Variants in CACNA2D4 observed in about 807,000 individuals in gnomAD.
The protein encoded by CACNA2D4 is calcium voltage-gated channel auxiliary subunit alpha2delta 4, also known as voltage-dependent calcium channel subunit alpha-2/delta-4.
In CACNA2D4, 157 loss-of-function variants were observed where a neutral mutation model predicts 163.8. The observed-to-expected ratio is 0.96, with a 90% CI of 0.84 to 1.09. CACNA2D4 has a LOEUF of 1.09. Ranked by LOEUF, CACNA2D4 falls within the 50% of genes least tolerant of loss-of-function variation. The pLI is 0.00. For missense variants in CACNA2D4, 1,410 were observed against 1,479.9 expected (o/e 0.95, Z 0.78); for synonymous variants, 598 against 586.9 (o/e 1.02, Z -0.27).
chr12:1,857,485 A>G (rs1076331), intron 20 of CACNA2D4, among the ~76,000 whole-genome samples: 21,045 of 152,220 alleles, frequency 0.14, 1,855 homozygotes, highest in East Asian at 0.43. Context: ...GGTTGTCCAC[A>G]AGAGAGGTGA....
intron 26 of CACNA2D4, chr12:1,827,651 C>T (rs1343917769): frequency 6.5e-6 from 1 of 153,366 alleles, no homozygotes; most frequent in Non-Finnish European, 1.5e-5. Flanking sequence ...CCTCCAGGGA[C>T]AGGTGACAGT....
rs372775192 is a variant in CACNA2D4, at chr12:1,798,899, G to A, written c.2995+776C>T. Among the ~76,000 whole-genome samples the A allele has an allele frequency of 2.6e-5, 4 of 152,270 alleles. No homozygotes were observed. Among genetic ancestry groups the A allele is most frequent in the South Asian group, 4.1e-4 (2 of 4,822 alleles). On this transcript the variant is annotated intron_variant, in intron 34 of 37. Coordinates refer to ENST00000382722, the MANE Select transcript of CACNA2D4 (RefSeq NM_172364.5). The surrounding 1 kb of genome is among the most constrained non-coding windows in gnomAD (Gnocchi z 4.3). ...AGTCCAGAAGGAGTCTGGAGACACA[G>A]CCCGAACTGCCCTGAGCCCAGGGGC... is the stretch of plus-strand genomic sequence containing the variant.
intron 26 of CACNA2D4, among the ~76,000 whole-genome samples, chr12:1,821,416 G>C (rs1026362914): frequency 2.6e-5 from 4 of 152,234 alleles, no homozygotes; most frequent in African/African-American, 9.6e-5. Flanking sequence ...GGCCCACTCA[G>C]CTGTGCATGA....
At chr12:1,816,108 C>T (rs1863862966) in intron 26 of CACNA2D4, among the ~76,000 whole-genome samples, 1 of 152,156 alleles carries the variant, frequency 6.6e-6, no homozygotes, top group Admixed American at 6.5e-5. Context: ...GTCTTCTCCC[C>T]CAGGATCCCT....
At chr12:1,889,035 T>C (rs1031428802) in intron 6 of CACNA2D4, among the ~76,000 whole-genome samples, 1 of 152,192 alleles carries the variant, frequency 6.6e-6, no homozygotes, top group African/African-American at 2.4e-5. Flanking sequence ...ACTGGTAGAT[T>C]TTCCCAACAT....
At chr12:1,813,907 C>T (rs1160312797) in intron 26 of CACNA2D4, among the ~76,000 whole-genome samples, 4 of 152,182 alleles carry the variant, frequency 2.6e-5, no homozygotes, top group African/African-American at 9.7e-5. Context: ...CCTCCTCCCG[C>T]TCATGTGCCC....
At chr12:1,867,671 A>T (rs1216899150) in intron 18 of CACNA2D4, among the ~76,000 whole-genome samples, 1 of 152,228 alleles carries the variant, frequency 6.6e-6, no homozygotes, top group South Asian at 2.1e-4. Flanking sequence ...TAAGGGACAT[A>T]AAAATCTTAT....
At chr12:1,896,621 AC>A (rs1866408528) in intron 6 of CACNA2D4, among the ~76,000 whole-genome samples, 8 of 141,362 alleles carry the variant, frequency 5.7e-5, no homozygotes, top group African/African-American at 2.2e-4. Context: ...ACACACACAC[AC>A]ACACACACAC....
rs1406425119 is a variant in CACNA2D4, at chr12:1,879,052, CA to C, written c.1564-17del. 1 of 1,610,640 alleles carries C rather than the reference CA, an allele frequency of 6.2e-7. No individual in the cohort carries two copies. Among genetic ancestry groups the C allele is most frequent in the Non-Finnish European group, 8.5e-7 (1 of 1,177,034 alleles). ...CATGGGATCGCTGGAAGGAAAGACA[CA>C]AGGGGTGGGGGAGACCCAGCTTCCC... On this transcript the variant is annotated splice_polypyrimidine_tract_variant and intron_variant, in intron 14 of 37. Coordinates refer to ENST00000382722, the MANE Select transcript of CACNA2D4 (RefSeq NM_172364.5).
chr12:1,907,464 T>G lies in CACNA2D4; in HGVS notation c.757A>C (p.Thr253Pro). Reference protein sequence around the residue: ...TLTWQYFGSATGFFRIYPGIK... With the variant: ...TLTWQYFGSAPGFFRIYPGIK... ...CCTGGATAGATCCTGAAGAATCCAG[T>G]TGCACTGCCAAAATATTGCCAGGTC... The change falls in exon 6 of 38, where the codon ACT becomes CCT. Residue 253 changes from threonine (T) to proline (P), a missense_variant. Transcript: ENST00000382722. 6.2e-7 allele frequency: 1 copy of G among 1,613,926 alleles called. No individual in the cohort carries two copies. The highest frequency in any genetic ancestry group is 1.3e-5 in the African/African-American group (1 of 75,034).
At position 1,820,563 on chromosome 12, in the gene CACNA2D4, C is replaced by G. The variant is rs932041707; in HGVS notation, c.2552-8840G>C. ...CCCTCTCTCCTCTCTCTCTCTCCCT[C>G]CATCCCTCTCTTTCCTTCTCAGTTT... On this transcript the variant is annotated intron_variant, in intron 26 of 37. Transcript: ENST00000382722. This position sits in a 1 kb window ranked among gnomAD's most constrained non-coding sequence, Gnocchi z 6.0. 2 of 152,466 alleles carry G rather than the reference C, an allele frequency of 1.3e-5. No homozygotes were observed. Among genetic ancestry groups the G allele is most frequent in the African/African-American group, 4.8e-5 (2 of 41,462 alleles). 9.4% of individuals were successfully genotyped at this position (152,466 alleles called of 1,614,324 possible).
chr12:1,916,149 G>C (rs979961298), intron 1 of CACNA2D4, among the ~76,000 whole-genome samples: 13 of 152,124 alleles, frequency 8.5e-5, no homozygotes, highest in African/African-American at 3.1e-4. Context: ...CTTCCAGTGT[G>C]GGTTGTTGAC....
intron 26 of CACNA2D4, among the ~76,000 whole-genome samples, chr12:1,819,003 A>T (rs1407736533): frequency 2.1e-5 from 1 of 47,306 alleles, no homozygotes; most frequent in Non-Finnish European, 7.1e-5. Flanking sequence ...AAAAAAATTA[A>T]AAAAAAAAAA....
rs553073778 is a variant in CACNA2D4, at chr12:1,868,024, G to A, written c.1878+6580C>T. 3.9e-5 allele frequency among the ~76,000 whole-genome samples: 6 copies of A among 152,324 alleles called. No individual in the cohort carries two copies. The East Asian group carries it at 1.2e-3, about 29-fold the overall frequency. ...TTTGTACACTGTTGGTGGGAATGTA[G>A]GTTGGTGCAACCACTGTGGAAAACA... On this transcript the variant is annotated intron_variant, in intron 18 of 37. Coordinates refer to ENST00000382722, the MANE Select transcript of CACNA2D4 (RefSeq NM_172364.5).
intron 32 of CACNA2D4, 35 bp from the exon 33 acceptor site, chr12:1,800,087 G>T: frequency 6.4e-7 from 1 of 1,569,014 alleles, no homozygotes; most frequent in Non-Finnish European, 8.6e-7. Context: ...GGAGACCTCT[G>T]AGCCCTCCCG....
intron 29 of CACNA2D4, among the ~76,000 whole-genome samples, chr12:1,805,897 C>T (rs1863519608): frequency 6.6e-6 from 1 of 152,238 alleles, no homozygotes; most frequent in African/African-American, 2.4e-5. Context: ...GGGCGGGCCG[C>T]AGGCGGCAGG....
chr12:1,885,298 A>G (rs932609841), intron 9 of CACNA2D4, among the ~76,000 whole-genome samples: 2 of 152,166 alleles, frequency 1.3e-5, no homozygotes, highest in African/African-American at 2.4e-5. Flanking sequence ...GTACACATCC[A>G]TGGCCACTAT....
intron 23 of CACNA2D4, among the ~76,000 whole-genome samples, chr12:1,849,131 G>T (rs537069479): frequency 6.6e-6 from 1 of 152,302 alleles, no homozygotes; most frequent in South Asian, 2.1e-4. Context: ...AAAGAGGACT[G>T]ACATTGAAAG....
intron 6 of CACNA2D4, among the ~76,000 whole-genome samples, chr12:1,897,501 G>A (rs1205921921): frequency 6.6e-6 from 1 of 152,112 alleles, no homozygotes; most frequent in Non-Finnish European, 1.5e-5. Flanking sequence ...CCATAAATGT[G>A]TACAAGTATT....
Sources: allele counts gnomAD v4.1 joint callset (sites outside exome capture counted in the v4.1 genomes callset), GRCh38; gene constraint gnomAD v4.1.1; non-coding constraint Gnocchi (gnomAD v3.1); transcripts MANE v1.5; gene names NCBI Gene and HGNC (gene_info 2026-07-23, HGNC 2026-07-21).